The following THAP6 variants were observed in gnomAD, a reference collection of about 807,000 sequenced individuals.
THAP6 encodes the protein THAP domain-containing protein 6.
In THAP6, 13 loss-of-function variants were observed where a neutral mutation model predicts 20.0. That is an observed-to-expected ratio of 0.65 (90% CI 0.42 to 1.03). The LOEUF (loss-of-function observed/expected upper bound fraction) is 1.03. THAP6 is among the 50% of genes least tolerant of loss of function. The pLI is 0.00. For synonymous variants in THAP6, 93 were observed against 92.2 expected (o/e 1.01, Z -0.05); for missense variants, 262 against 261.6 (o/e 1.00, Z -0.01).
At position 75,521,726 on chromosome 4, in the gene THAP6, C is replaced by T; in HGVS notation, c.289-10C>T. The T allele has an allele frequency of 6.2e-7, 1 of 1,605,404 alleles. No homozygotes were observed. Among genetic ancestry groups the T allele is most frequent in the African/African-American group, 1.3e-5 (1 of 74,584 alleles). On this transcript the variant is annotated splice_polypyrimidine_tract_variant and intron_variant, in intron 3 of 4. Coordinates refer to ENST00000311638, the MANE Select transcript of THAP6 (RefSeq NM_144721.6). ...CTCACTTGATGATTATTATTAACTA[C>T]TCTTAACAGGGGAAAAGAGAAAAAC...
chr4:75,515,481 G>A lies in THAP6; in HGVS notation c.29G>A (p.Cys10Tyr), dbSNP rs745427006. Residue 10 changes from cysteine (C) to tyrosine (Y), a missense_variant, in exon 2 of 5, where the codon TGT (cysteine) becomes TAT (tyrosine). Physicochemically the swap from Cys to Tyr is radical, Grantham distance 194. Coordinates refer to ENST00000311638, the MANE Select transcript of THAP6 (RefSeq NM_144721.6). MVKCCSAIG[C>Y]ASRCLPNSKL... Reference sequence around the variant, plus strand: ...GTGAAATGCTGCTCCGCCATTGGATGTGCTTCTCGCTGCTTGCCAAATTCG... The same window carrying A: ...GTGAAATGCTGCTCCGCCATTGGATATGCTTCTCGCTGCTTGCCAAATTCG... 6.2e-7 allele frequency: 1 copy of A among 1,614,056 alleles called. No homozygotes were observed. The highest frequency in any genetic ancestry group is 1.7e-5 in the Admixed American group (1 of 60,024).
downstream of THAP6, among the ~76,000 whole-genome samples, chr4:75,534,953 G>A (rs1726808741): frequency 6.6e-6 from 1 of 152,156 alleles, no homozygotes. Context: ...CACTGTTGGT[G>A]GGACTGTCAA....
intron 3 of THAP6, 65 bp from the exon 4 acceptor site, chr4:75,521,671 G>A: frequency 6.8e-7 from 1 of 1,462,596 alleles, no homozygotes; most frequent in Non-Finnish European, 9.2e-7. Flanking sequence ...AGTTAAGAAG[G>A]AATAAAAATT....
upstream of THAP6, chr4:75,514,261 C>T (rs376594181): frequency 9.9e-6 from 16 of 1,612,750 alleles, no homozygotes; most frequent in African/African-American, 1.9e-4. Flanking sequence ...ACCGCTGGCG[C>T]CATCTTCCCG....
chr4:75,521,541 G>T (rs1214062966), intron 3 of THAP6, among the ~76,000 whole-genome samples, 195 bp from the exon 4 acceptor site: 1 of 151,840 alleles, frequency 6.6e-6, no homozygotes, highest in African/African-American at 2.4e-5. Context: ...GAAAATTTGT[G>T]TTTTCAGATA....
chr4:75,526,744 C>T (rs1431394390), intron 4 of THAP6, among the ~76,000 whole-genome samples: 1 of 152,196 alleles, frequency 6.6e-6, no homozygotes, highest in Non-Finnish European at 1.5e-5. Flanking sequence ...ATTCTGCAGT[C>T]TTTGTGTATG....
Position 75,527,558 on chromosome 4 carries a change from T to G in THAP6, c.*344T>G. ...AAGGAATTGGACACTTCTCCAGATA[T>G]TTGGCTTCAAAGGAGTACCTTTACT... On this transcript the variant is annotated 3_prime_UTR_variant, in exon 5 of 5. Coordinates refer to ENST00000311638, the MANE Select transcript of THAP6 (RefSeq NM_144721.6). 9.4e-7 allele frequency: 1 copy of G among 1,059,994 alleles called. No homozygotes were observed. Among genetic ancestry groups the G allele is most frequent in the African/African-American group, 1.7e-5 (1 of 59,994 alleles). 65.7% of individuals were successfully genotyped at this position (1,059,994 alleles called of 1,614,324 possible). A position where few individuals can be genotyped will look rare whatever the true frequency, so the allele number is the denominator to read the frequency against.
intron 1 of THAP6, 50 bp from the exon 2 acceptor site, chr4:75,515,383 C>T: frequency 6.6e-7 from 1 of 1,510,564 alleles, no homozygotes; most frequent in Non-Finnish European, 9.2e-7. Flanking sequence ...GGAAAATATT[C>T]CCCTTCAGCT....
intron 2 of THAP6, among the ~76,000 whole-genome samples, chr4:75,541,582 G>C (rs1038726037): frequency 1.3e-4 from 19 of 151,806 alleles, no homozygotes; most frequent in African/African-American, 4.4e-4. Context: ...AAGAAAGAGA[G>C]ATGAAGGGAG....
chr4:75,526,272 G>A (rs1426486785), intron 4 of THAP6, among the ~76,000 whole-genome samples: 2 of 151,882 alleles, frequency 1.3e-5, no homozygotes, highest in Admixed American at 6.6e-5. Flanking sequence ...TGGAGGTAGG[G>A]GTCAATCCAG....
chr4:75,542,156 A>T (rs1727023052), intron 2 of THAP6, among the ~76,000 whole-genome samples: 1 of 152,070 alleles, frequency 6.6e-6, no homozygotes, highest in Non-Finnish European at 1.5e-5. Context: ...GATTTAAGAA[A>T]CCACTGTCTG....
intron 2 of THAP6, 43 bp from the exon 3 acceptor site, chr4:75,516,729 A>C: frequency 6.5e-7 from 1 of 1,540,166 alleles, no homozygotes; most frequent in Non-Finnish European, 8.9e-7. Flanking sequence ...ATTATATAGC[A>C]ATAGTATTTG....
chr4:75,516,759 A>G lies in THAP6; in HGVS notation c.81-13A>G, dbSNP rs778668847. On this transcript the variant is annotated splice_polypyrimidine_tract_variant and intron_variant, in intron 2 of 4. Transcript: ENST00000311638. The stretch of plus-strand genomic sequence containing the variant: ...TATTTGATTTTAAAATATTTTTTGT[A>G]TTTTTTTTCTAGATTCCCCACAGAT... The G allele has an allele frequency of 5.0e-6, 8 of 1,602,548 alleles. No homozygotes were observed. The highest frequency in any genetic ancestry group is 1.7e-5 in the Admixed American group (1 of 58,508).
intron 1 of THAP6, 134 bp downstream of exon 1, chr4:75,514,654 C>T (rs1725398355): frequency 1.0e-5 from 2 of 192,260 alleles, no homozygotes; most frequent in African/African-American, 2.3e-5. Context: ...TCACTGGGCG[C>T]ATCGTTACCT....
chr4:75,535,592 G>A (rs1309899355), intron 2 of THAP6, among the ~76,000 whole-genome samples: 2 of 152,200 alleles, frequency 1.3e-5, no homozygotes, highest in African/African-American at 4.8e-5. Flanking sequence ...ACCAACTTCA[G>A]AGTAAAACTG....
chr4:75,530,998 T>TG (rs796246516), downstream of THAP6, among the ~76,000 whole-genome samples: 20 of 152,298 alleles, frequency 1.3e-4, no homozygotes, highest in African/African-American at 4.8e-4. Flanking sequence ...ACTCTGAAAC[T>TG]GGGGTCATAC....
At chr4:75,534,160 T>C (rs1726784166), downstream of THAP6, among the ~76,000 whole-genome samples, 1 of 152,218 alleles carries the variant, frequency 6.6e-6, no homozygotes, top group Non-Finnish European at 1.5e-5. Context: ...CAGTCTATCA[T>C]TGTTGGACAT....
rs1726409779 is a variant in THAP6 at position 75,526,953 on chromosome 4, T to G, written c.415-7T>G. 1 of 1,609,644 alleles carries G rather than the reference T, an allele frequency of 6.2e-7. No individual in the cohort carries two copies. The highest frequency in any genetic ancestry group is 1.7e-5 in the Admixed American group (1 of 59,536). ...CTGATTTAATAACTTGGTGTTTATG[T>G]TTTTAGGAACATAGCTACAGTGTAA... On this transcript the variant is annotated splice_region_variant and splice_polypyrimidine_tract_variant and intron_variant, in intron 4 of 4. Coordinates refer to ENST00000311638, the MANE Select transcript of THAP6 (RefSeq NM_144721.6).
Position 75,527,085 on chromosome 4 carries a change from G to T in THAP6, c.540G>T (p.Gln180His), listed in dbSNP as rs1726422561. 6.2e-7 allele frequency: 1 copy of T among 1,614,028 alleles called. No homozygotes were observed. The highest frequency in any genetic ancestry group is 1.3e-5 in the African/African-American group (1 of 74,938). Residue 180 changes from glutamine (Q) to histidine (H), a missense_variant, in exon 5 of 5, where the codon CAG (glutamine) becomes CAT (histidine). By Grantham distance (24) the Gln-to-His change is conservative. Transcript: ENST00000311638. ...RNVLDREKRFQKSLRKTIREL... is the reference protein window; with the variant it reads ...RNVLDREKRFHKSLRKTIREL... ...TTTTAGACCGAGAAAAACGTTTTCA[G>T]AAATCATTGAGGAAGACAATCAGGG...
Sources: allele counts gnomAD v4.1 joint callset (sites outside exome capture counted in the v4.1 genomes callset), GRCh38; gene constraint gnomAD v4.1.1; transcripts MANE v1.5; gene names NCBI Gene and HGNC (gene_info 2026-07-23, HGNC 2026-07-21).